Variants in BEGAIN observed in about 807,000 individuals in gnomAD.
BEGAIN encodes brain enriched guanylate kinase associated.
In BEGAIN, 19 loss-of-function variants were observed where a neutral mutation model predicts 35.8. The observed-to-expected ratio is 0.53, with a 90% confidence interval of 0.37 to 0.78. The LOEUF (loss-of-function observed/expected upper bound fraction) is 0.78. Among genes scored for constraint, BEGAIN ranks in the 30% least tolerant of loss-of-function variants. The pLI is 0.00. For missense variants in BEGAIN, 795 were observed against 853.6 expected, an observed-to-expected ratio of 0.93 and a Z score of 0.85; for synonymous variants, 462 against 388.6, an observed-to-expected ratio of 1.19 and a Z score of -2.22.
chr14:100,538,302 G>A lies in BEGAIN; in HGVS notation c.1506C>T (p.Ser502=), dbSNP rs745784599. 5.8e-6 allele frequency: 9 copies of A among 1,539,000 alleles called. No individual in the cohort carries two copies. The Admixed American group carries it at 9.9e-5, about 17-fold the overall frequency. ...AGCAGGGCTCTGCCAGGTGGCCCTGGGAGAGGTCGTCCCCCTCGGAGAAGC... is the reference window on the plus strand; with the variant it reads ...AGCAGGGCTCTGCCAGGTGGCCCTGAGAGAGGTCGTCCCCCTCGGAGAAGC... ...ADSFSEGDDL[S]QGHLAEPCFL... The change falls in exon 7 of 7, where the codon TCC becomes TCT. Residue 502 remains serine (S), a synonymous_variant. Coordinates refer to ENST00000554140, the MANE Select transcript of BEGAIN (RefSeq NM_001385089.1).
chr14:100,577,890 G>A (rs2035236091), intron 1 of BEGAIN: 1 of 399,198 alleles, frequency 2.5e-6, no homozygotes, highest in African/African-American at 2.1e-5. Context: ...GGGAGCTGTA[G>A]CCGTCCTGCC....
chr14:100,586,707 C>G lies in BEGAIN; in HGVS notation c.42+542G>C, dbSNP rs1187519900. Among the ~76,000 whole-genome samples, 1 of 152,226 alleles carries G rather than the reference C, an allele frequency of 6.6e-6. No individual in the cohort carries two copies. Among genetic ancestry groups the G allele is most frequent in the Non-Finnish European group, 1.5e-5 (1 of 68,048 alleles). ...GGAGGATAGTACCTGCCGCGAGGTA[C>G]TGAATGGGATGGTGGTGTCCGAGGT... On this transcript the variant is annotated intron_variant, in intron 1 of 6. Coordinates refer to ENST00000554140, the MANE Select transcript of BEGAIN (RefSeq NM_001385089.1). The surrounding 1 kb of genome is among the most constrained non-coding windows in gnomAD (Gnocchi z 4.9).
rs2034444690 is a variant in BEGAIN, at chr14:100,563,463, C to T, written c.71+4448G>A. On this transcript the variant is annotated intron_variant, in intron 2 of 6. Coordinates refer to ENST00000554140, the MANE Select transcript of BEGAIN (RefSeq NM_001385089.1). This position sits in a 1 kb window ranked among gnomAD's most constrained non-coding sequence, Gnocchi z 4.2. ...TGTGAACAGCGAGACGCGGCGTCCC[C>T]CAGGAGGTGTGGCTGCTGCATGTGT... Among the ~76,000 whole-genome samples, 1 of 152,224 alleles carries T rather than the reference C, an allele frequency of 6.6e-6. No individual in the cohort carries two copies. The highest frequency in any genetic ancestry group is 2.4e-5 in the African/African-American group (1 of 41,450).
chr14:100,539,307 C>T lies in BEGAIN; in HGVS notation c.501G>A (p.Ser167=), dbSNP rs772354047. ...GRVHKVSELP[S]DFQERVSLHM... Reference sequence around the variant, plus strand: ...GCAGGCTCACGCGCTCCTGGAAATCCGAGGGCAGCTGGAACGGGTGCGAGG... The same window carrying T: ...GCAGGCTCACGCGCTCCTGGAAATCTGAGGGCAGCTGGAACGGGTGCGAGG... Residue 167 remains serine (S), a synonymous_variant, in exon 7 of 7, where the codon TCG becomes TCA. Transcript: ENST00000554140. 12 of 1,552,308 alleles carry T rather than the reference C, an allele frequency of 7.7e-6. No homozygotes were observed. The highest frequency in any genetic ancestry group is 1.2e-5 in the South Asian group (1 of 80,890).
intron 1 of BEGAIN, among the ~76,000 whole-genome samples, chr14:100,571,074 G>A (rs1329990060): frequency 1.3e-5 from 2 of 152,120 alleles, no homozygotes; most frequent in East Asian, 1.9e-4. Context: ...TGCCCTCGGG[G>A]GACAGTCCTC....
intron 1 of BEGAIN, among the ~76,000 whole-genome samples, chr14:100,576,913 A>G (rs909657437): frequency 1.2e-4 from 19 of 152,154 alleles, no homozygotes; most frequent in African/African-American, 4.3e-4. Context: ...AGCCCCTCAC[A>G]ACCTCAGTTT....
chr14:100,553,861 C>T (rs1289750428), intron 2 of BEGAIN, among the ~76,000 whole-genome samples: 1 of 152,218 alleles, frequency 6.6e-6, no homozygotes, highest in Non-Finnish European at 1.5e-5. Flanking sequence ...AGCCAGAGGG[C>T]GCGTCCAAAC....
chr14:100,584,948 G>C (rs2035401654), intron 1 of BEGAIN, among the ~76,000 whole-genome samples: 1 of 152,050 alleles, frequency 6.6e-6, no homozygotes, highest in Non-Finnish European at 1.5e-5. Flanking sequence ...AGGGGGAGGA[G>C]CCACACCTCC....
At chr14:100,556,806 C>T (rs1029103981) in intron 2 of BEGAIN, among the ~76,000 whole-genome samples, 1 of 152,192 alleles carries the variant, frequency 6.6e-6, no homozygotes, top group Non-Finnish European at 1.5e-5. Context: ...GGGACTCTGT[C>T]CCCTAGTGAG....
At chr14:100,580,026 C>T (rs1255390336) in intron 1 of BEGAIN, among the ~76,000 whole-genome samples, 2 of 136,792 alleles carry the variant, frequency 1.5e-5, no homozygotes, top group Non-Finnish European at 3.2e-5. Context: ...CAGACCAGGC[C>T]GGGTGCGGTG....
chr14:100,568,650 C>T lies in BEGAIN; in HGVS notation c.43-711G>A, dbSNP rs1300430205. ...GAGACCCTCCCTGCCCAGCCCCGCT[C>T]AGCCGGGCAGCCCCTCCGCGCGCCG... On this transcript the variant is annotated intron_variant, in intron 1 of 6. Transcript: ENST00000554140. The surrounding 1 kb of genome is among the most constrained non-coding windows in gnomAD (Gnocchi z 7.5). 7 of 519,986 alleles carry T rather than the reference C, an allele frequency of 1.3e-5. No individual in the cohort carries two copies. Among genetic ancestry groups the T allele is most frequent in the Non-Finnish European group, 1.7e-5 (7 of 405,136 alleles). 32.2% of individuals were successfully genotyped at this position (519,986 alleles called of 1,614,324 possible). A position where few individuals can be genotyped will look rare whatever the true frequency, so the allele number is the denominator to read the frequency against.
rs1414334364 is a variant in BEGAIN, at chr14:100,568,608, C to T, written c.43-669G>A. The stretch of plus-strand genomic sequence containing the variant: ...GCTCCCTGCCTTGCTTGCGCAGACC[C>T]GCCCGCGCGCGGCTTGGAGACCCTC... On this transcript the variant is annotated intron_variant, in intron 1 of 6. Transcript: ENST00000554140. This position sits in a 1 kb window ranked among gnomAD's most constrained non-coding sequence, Gnocchi z 7.5. 1.4e-5 allele frequency: 14 copies of T among 1,010,476 alleles called. No homozygotes were observed. The East Asian group carries it at 7.9e-4, about 57-fold the overall frequency. The allele number at this position is 1,010,476 out of a possible 1,614,324, so 62.6% of individuals were successfully genotyped here. A position where few individuals can be genotyped will look rare whatever the true frequency, so the allele number is the denominator to read the frequency against.
chr14:100,555,753 G>C (rs2033655450), intron 2 of BEGAIN, among the ~76,000 whole-genome samples: 1 of 152,196 alleles, frequency 6.6e-6, no homozygotes, highest in African/African-American at 2.4e-5. Context: ...CTGCCTCCGT[G>C]TGGCTAGAGG....
At chr14:100,540,112 GT>G in intron 6 of BEGAIN, 1 of 201,644 alleles carries the variant, frequency 5.0e-6, no homozygotes, top group South Asian at 1.2e-4. Flanking sequence ...TTTCCTGAAT[GT>G]TTTCTTTCTG....
At chr14:100,575,528 T>C (rs893640587) in intron 1 of BEGAIN, among the ~76,000 whole-genome samples, 5 of 152,124 alleles carry the variant, frequency 3.3e-5, no homozygotes, top group Admixed American at 2.6e-4. Flanking sequence ...GCCTGGTTTA[T>C]AGAATGAGAC....
chr14:100,546,780 GCACACACACA>G (rs879183769), intron 2 of BEGAIN, 118 bp from the exon 3 acceptor site: 130 of 343,846 alleles, frequency 3.8e-4, no homozygotes, highest in East Asian at 6.0e-4. Context: ...GCGCGCGCGC[GCACACACACA>G]CACACACACA....
chr14:100,568,537 C>T lies in BEGAIN; in HGVS notation c.43-598G>A, dbSNP rs1566978006. 2 of 1,285,128 alleles carry T rather than the reference C, an allele frequency of 1.6e-6. No individual in the cohort carries two copies. Among genetic ancestry groups the T allele is most frequent in the Middle Eastern group, 2.5e-4 (1 of 4,060 alleles). The allele number at this position is 1,285,128 out of a possible 1,614,324, so 79.6% of individuals were successfully genotyped here. A position where few individuals can be genotyped will look rare whatever the true frequency, so the allele number is the denominator to read the frequency against. On this transcript the variant is annotated intron_variant, in intron 1 of 6. Transcript: ENST00000554140. This position sits in a 1 kb window ranked among gnomAD's most constrained non-coding sequence, Gnocchi z 7.5. ...GGGGTTTTGGGCCTGGCTTGCCCCT[C>T]CCGGGCCCCAGGGATTAACCCGTGA...
chr14:100,571,802 C>T (rs1220742508), intron 1 of BEGAIN, among the ~76,000 whole-genome samples: 2 of 152,170 alleles, frequency 1.3e-5, no homozygotes, highest in Admixed American at 6.5e-5. Flanking sequence ...GCTCCAGGCT[C>T]ACCTGGCCCA....
intron 1 of BEGAIN, among the ~76,000 whole-genome samples, chr14:100,575,631 T>TG (rs931890399): frequency 6.6e-6 from 1 of 151,874 alleles, no homozygotes; most frequent in Non-Finnish European, 1.5e-5. Context: ...GATACGATCC[T>TG]GGGGGGCTGG....
Sources: gnomAD v4.1 joint callset for allele counts (sites outside exome capture counted in the v4.1 genomes callset) on GRCh38, gnomAD v4.1.1 for gene constraint, Gnocchi (gnomAD v3.1) non-coding constraint, MANE v1.5 for transcripts, NCBI Gene and HGNC (gene_info 2026-07-23, HGNC 2026-07-21) for gene names.